OSBPL8: variants seen among roughly 807,000 people sequenced by gnomAD.
OSBPL8 encodes oxysterol-binding protein-related protein 8.
A neutral mutation model predicts 125.5 loss-of-function variants in OSBPL8; 59 were observed. The observed-to-expected ratio is 0.47, with a 90% CI of 0.38 to 0.58. OSBPL8 has a LOEUF of 0.58. Ranked by LOEUF, OSBPL8 falls within the 20% of genes least tolerant of loss-of-function variation. OSBPL8 has a pLI of 0.00. For missense variants in OSBPL8, 758 were observed against 1,047.8 expected, an observed-to-expected ratio of 0.72 and a Z score of 3.82; for synonymous variants, 330 against 338.9, an observed-to-expected ratio of 0.97 and a Z score of 0.29.
At chr12:76,519,759 G>C (rs1268013739) in intron 1 of OSBPL8, among the ~76,000 whole-genome samples, 1 of 152,116 alleles carries the variant, frequency 6.6e-6, no homozygotes, top group African/African-American at 2.4e-5. Context: ...GGTGAGTAAG[G>C]GAACGGGTTA....
chr12:76,446,974 G>A (rs1427290518), intron 4 of OSBPL8, among the ~76,000 whole-genome samples: 1 of 152,138 alleles, frequency 6.6e-6, no homozygotes, highest in Non-Finnish European at 1.5e-5. Context: ...TACCCACACA[G>A]CCTACCTTTT....
At chr12:76,523,364 A>C (rs1368723224) in intron 1 of OSBPL8, among the ~76,000 whole-genome samples, 1 of 152,224 alleles carries the variant, frequency 6.6e-6, no homozygotes, top group Non-Finnish European at 1.5e-5. Context: ...GAGTTCACAG[A>C]GAATGTAGCA....
intron 3 of OSBPL8, among the ~76,000 whole-genome samples, chr12:76,451,573 A>C (rs1028233950): frequency 6.6e-6 from 1 of 152,202 alleles, no homozygotes; most frequent in African/African-American, 2.4e-5. Context: ...CAAGATTCTA[A>C]CTCAGAACCA....
chr12:76,421,485 T>C (rs1039307628), intron 4 of OSBPL8, among the ~76,000 whole-genome samples: 1 of 152,202 alleles, frequency 6.6e-6, no homozygotes, highest in East Asian at 1.9e-4. Flanking sequence ...ATTTATTTAA[T>C]TGCCCAGGTG....
intron 1 of OSBPL8, among the ~76,000 whole-genome samples, chr12:76,537,698 C>T (rs1325690303): frequency 1.3e-5 from 2 of 152,058 alleles, no homozygotes; most frequent in East Asian, 1.9e-4. Flanking sequence ...AACTTAAGGT[C>T]AGGAGTTCAA....
intron 2 of OSBPL8, among the ~76,000 whole-genome samples, chr12:76,462,629 T>A (rs185973768): frequency 4.6e-5 from 7 of 152,178 alleles, no homozygotes; most frequent in Non-Finnish European, 8.8e-5. Flanking sequence ...AAATGTTAAG[T>A]AAAAATTCAT....
intron 1 of OSBPL8, among the ~76,000 whole-genome samples, chr12:76,496,300 T>A (rs1879262063): frequency 1.3e-5 from 2 of 152,234 alleles, no homozygotes; most frequent in South Asian, 4.1e-4. Flanking sequence ...TCCCCTTCTG[T>A]GCTGTTGGTT....
At chr12:76,489,014 T>C (rs1415857755) in intron 1 of OSBPL8, among the ~76,000 whole-genome samples, 3 of 152,232 alleles carry the variant, frequency 2.0e-5, no homozygotes, top group Admixed American at 6.5e-5. Context: ...AACAGCCTTA[T>C]TGCTGATATA....
intron 1 of OSBPL8, among the ~76,000 whole-genome samples, chr12:76,540,670 C>A (rs1395264609): frequency 1.3e-5 from 2 of 150,852 alleles, no homozygotes; most frequent in Non-Finnish European, 2.9e-5. Flanking sequence ...ATATAATAAT[C>A]ATATTTTTTC....
chr12:76,478,116 T>C (rs1018958203), intron 2 of OSBPL8, among the ~76,000 whole-genome samples: 2 of 151,850 alleles, frequency 1.3e-5, no homozygotes, highest in African/African-American at 4.8e-5. Context: ...GTAGAAGAAT[T>C]GCTTGAACCT....
At chr12:76,417,283 CTGT>C (rs1393397198) in intron 4 of OSBPL8, among the ~76,000 whole-genome samples, 2 of 152,190 alleles carry the variant, frequency 1.3e-5, no homozygotes, top group African/African-American at 2.4e-5. Flanking sequence ...GTGAGTTTAA[CTGT>C]TGTTATTCTT....
chr12:76,528,580 T>A (rs2137316702), intron 1 of OSBPL8, among the ~76,000 whole-genome samples: 1 of 151,992 alleles, frequency 6.6e-6, no homozygotes, highest in South Asian at 2.1e-4. Flanking sequence ...GCTTCAGAAA[T>A]TAAATGAATC....
intron 1 of OSBPL8, among the ~76,000 whole-genome samples, chr12:76,549,334 T>C (rs1950872687): frequency 6.6e-6 from 1 of 152,188 alleles, no homozygotes; most frequent in Non-Finnish European, 1.5e-5. Flanking sequence ...TTGTAGAAGA[T>C]ACAAAAGAAC....
intron 5 of OSBPL8, among the ~76,000 whole-genome samples, chr12:76,404,446 G>A (rs1321546991): frequency 6.6e-6 from 1 of 152,034 alleles, no homozygotes; most frequent in Non-Finnish European, 1.5e-5. Context: ...AACAACATAG[G>A]TTTGAACTGC....
intron 4 of OSBPL8, among the ~76,000 whole-genome samples, chr12:76,418,010 C>CTTTTTTTTTTTT (rs35319213): frequency 9.0e-6 from 1 of 111,556 alleles, no homozygotes; most frequent in Non-Finnish European, 1.8e-5. Flanking sequence ...TTTTCACTAC[C>CTTTTTTTTTTTT]TTTTTTTTTT....
intron 4 of OSBPL8, among the ~76,000 whole-genome samples, chr12:76,448,580 C>CT (rs1872994908): frequency 6.6e-6 from 1 of 152,142 alleles, no homozygotes; most frequent in Admixed American, 6.5e-5. Flanking sequence ...AAAATGCTAA[C>CT]TTTTCAAAAA....
intron 4 of OSBPL8, chr12:76,422,675 T>C (rs2136506810): frequency 2.2e-6 from 1 of 455,300 alleles, no homozygotes; most frequent in Non-Finnish European, 4.4e-6. Context: ...CTATTTAATG[T>C]ATATGCTCAC....
chr12:76,386,365 C>T lies in OSBPL8; in HGVS notation c.1435-99G>A, dbSNP rs192567810. ...GGGTTTAACTCTACCATCTGGGAAC[C>T]GTCCTTATAAAATTTCAAAGTAAAT... On this transcript the variant is annotated intron_variant, in intron 13 of 23. Coordinates refer to ENST00000261183, the MANE Select transcript of OSBPL8 (RefSeq NM_020841.5). 126 of 1,416,368 alleles carry T rather than the reference C, an allele frequency of 8.9e-5. No individual in the cohort carries two copies. In the Admixed American group the frequency reaches 1.4e-3, roughly 16 times the overall value. The allele number at this position is 1,416,368 out of a possible 1,614,324, so 87.7% of individuals were successfully genotyped here.
In OSBPL8 at chr12:76,514,438, G is replaced by A. The variant is rs1184930259; in HGVS notation, c.-67-26820C>T. On this transcript the variant is annotated intron_variant, in intron 1 of 23. Coordinates refer to ENST00000261183, the MANE Select transcript of OSBPL8 (RefSeq NM_020841.5). The stretch of plus-strand genomic sequence containing the variant: ...AGTGCTGGGATTACAAGCATGAGCC[G>A]GCTAGAAATGAAATTCTTTGTTGAA... 7.9e-5 allele frequency among the ~76,000 whole-genome samples: 12 copies of A among 151,862 alleles called. 1 individual carries two copies. The highest frequency in any genetic ancestry group is 3.9e-4 in the Admixed American group (6 of 15,244).
Sources: allele counts gnomAD v4.1 joint callset (sites outside exome capture counted in the v4.1 genomes callset), GRCh38; gene constraint gnomAD v4.1.1; transcripts MANE v1.5; gene names NCBI Gene and HGNC (gene_info 2026-07-23, HGNC 2026-07-21).